SP3: variants seen among roughly 807,000 people sequenced by gnomAD.
The protein encoded by SP3 is transcription factor Sp3.
SP3 carries 10 observed loss-of-function variants against 70.3 expected under a neutral mutation model. The observed-to-expected ratio is 0.14, with a 90% confidence interval of 0.09 to 0.24. SP3 has a LOEUF of 0.24. SP3 is among the 10% of genes least tolerant of loss of function. The pLI is 1.00. For synonymous variants in SP3, 402 were observed against 333.5 expected (o/e 1.21, Z -2.24); for missense variants, 825 against 914.6 (o/e 0.90, Z 1.26).
chr2:173,941,823 G>A (rs958838310), intron 4 of SP3, among the ~76,000 whole-genome samples: 1 of 152,052 alleles, frequency 6.6e-6, no homozygotes, highest in African/African-American at 2.4e-5. Flanking sequence ...TTTCTATTTG[G>A]TTATTTTACA....
intron 3 of SP3, among the ~76,000 whole-genome samples, chr2:173,956,822 A>C (rs1042988582): frequency 6.6e-6 from 1 of 152,192 alleles, no homozygotes; most frequent in Non-Finnish European, 1.5e-5. Context: ...TTGCCCTGTG[A>C]CCACATGACA....
At chr2:173,923,926 T>C (rs1689834093) in intron 4 of SP3, among the ~76,000 whole-genome samples, 1 of 152,090 alleles carries the variant, frequency 6.6e-6, no homozygotes, top group African/African-American at 2.4e-5. Context: ...CCTATGGATA[T>C]TTCAGAGGTA....
At chr2:173,916,227 A>T (rs1689615955) in intron 5 of SP3, 1 of 152,082 alleles carries the variant, frequency 6.6e-6, no homozygotes, top group African/African-American at 2.4e-5. Flanking sequence ...GCTATTAAAG[A>T]ATGAAGTCAC....
At chr2:173,932,168 C>T (rs1419521681) in intron 4 of SP3, among the ~76,000 whole-genome samples, 1 of 152,120 alleles carries the variant, frequency 6.6e-6, no homozygotes, top group Admixed American at 6.6e-5. Context: ...TTAGAGGCTA[C>T]TGTAGGGTTA....
At chr2:173,934,964 G>A (rs1690170676) in intron 4 of SP3, among the ~76,000 whole-genome samples, 1 of 152,166 alleles carries the variant, frequency 6.6e-6, no homozygotes, top group Non-Finnish European at 1.5e-5. Context: ...AAATAAAAAA[G>A]CATCACAAAG....
chr2:173,940,654 G>A (rs544006434), intron 4 of SP3, among the ~76,000 whole-genome samples: 41 of 152,310 alleles, frequency 2.7e-4, no homozygotes, highest in South Asian at 8.3e-4. Flanking sequence ...AGCAGCTAAA[G>A]GTAGCTGGAG....
chr2:173,951,497 T>G (rs1388276738), intron 4 of SP3, among the ~76,000 whole-genome samples: 1 of 152,220 alleles, frequency 6.6e-6, no homozygotes, highest in Non-Finnish European at 1.5e-5. Flanking sequence ...GAAAACCATG[T>G]TTTACATTTT....
At position 173,904,819 on chromosome 2, in the gene SP3, G is replaced by T. The variant is rs190334296; in HGVS notation, c.*5122C>A. Among the ~76,000 whole-genome samples, 48 of 152,326 alleles carry T rather than the reference G, an allele frequency of 3.2e-4. No homozygotes were observed. Among genetic ancestry groups the T allele is most frequent in the African/African-American group, 1.1e-3 (46 of 41,564 alleles). ...CCAATACTTCCTGTATTTCGTTGTT[G>T]TCGATTAATCGGAGGCTTAGACTTT... is the stretch of plus-strand genomic sequence containing the variant. On this transcript the variant is annotated 3_prime_UTR_variant, in exon 7 of 7. Transcript: ENST00000310015.
At position 173,904,031 on chromosome 2, in the gene SP3, C is replaced by T. The variant is rs866010689; in HGVS notation, c.*5910G>A. ...GGGATGGTTGTAGGATGAAACTGCT[C>T]TACCTCAGATCATCAGACATTAGAT... is the stretch of plus-strand genomic sequence containing the variant. On this transcript the variant is annotated 3_prime_UTR_variant, in exon 7 of 7. Coordinates refer to ENST00000310015, the MANE Select transcript of SP3 (RefSeq NM_003111.5). Among the ~76,000 whole-genome samples the T allele has an allele frequency of 3.3e-5, 5 of 152,234 alleles. No individual in the cohort carries two copies. Among genetic ancestry groups the T allele is most frequent in the Middle Eastern group, 3.4e-3 (1 of 294 alleles).
intron 5 of SP3, among the ~76,000 whole-genome samples, chr2:173,917,051 T>G (rs1689633709): frequency 6.6e-6 from 1 of 152,110 alleles, no homozygotes; most frequent in Non-Finnish European, 1.5e-5. Flanking sequence ...CATTACTAGC[T>G]TAACTTGAAG....
chr2:173,958,761 G>A (rs1013257280), intron 3 of SP3, among the ~76,000 whole-genome samples: 3 of 150,120 alleles, frequency 2.0e-5, no homozygotes, highest in Non-Finnish European at 4.4e-5. Context: ...AACTACACTC[G>A]ACAATATATT....
intron 4 of SP3, among the ~76,000 whole-genome samples, chr2:173,952,867 A>C (rs1223260511): frequency 6.6e-6 from 1 of 152,218 alleles, no homozygotes; most frequent in Non-Finnish European, 1.5e-5. Flanking sequence ...GACAGAAAGT[A>C]GCATAGTGGT....
intron 3 of SP3, among the ~76,000 whole-genome samples, chr2:173,958,995 A>G (rs1690978647): frequency 6.6e-6 from 1 of 152,192 alleles, no homozygotes; most frequent in Admixed American, 6.5e-5. Context: ...GATTTGAAAA[A>G]CATCCATTAA....
At chr2:173,917,597 T>C (rs780262370) in intron 5 of SP3, among the ~76,000 whole-genome samples, 40 of 152,130 alleles carry the variant, frequency 2.6e-4, no homozygotes, top group Admixed American at 1.4e-3. Flanking sequence ...CTCTATTAGA[T>C]CAAGTTTGTT....
rs958069295 is a variant in SP3 at position 173,902,734 on chromosome 2, TGA to T, written c.*7205_*7206del. On this transcript the variant is annotated 3_prime_UTR_variant, in exon 7 of 7. Transcript: ENST00000310015. ...TTTGTACAGAATGATACCATTTATA[TGA>T]AGTTTCAAAATCAGAAAAACAATCC... Among the ~76,000 whole-genome samples, 2 of 152,224 alleles carry T rather than the reference TGA, an allele frequency of 1.3e-5. No homozygotes were observed. The highest frequency in any genetic ancestry group is 2.4e-5 in the African/African-American group (1 of 41,460).
chr2:173,934,777 G>A (rs986298947), intron 4 of SP3, among the ~76,000 whole-genome samples: 9 of 151,974 alleles, frequency 5.9e-5, no homozygotes, highest in African/African-American at 2.2e-4. Flanking sequence ...TACCTTCAAG[G>A]TCAAAAGCTT....
At chr2:173,937,002 A>T (rs1208526858) in intron 4 of SP3, among the ~76,000 whole-genome samples, 1 of 152,114 alleles carries the variant, frequency 6.6e-6, no homozygotes, top group Non-Finnish European at 1.5e-5. Flanking sequence ...TGCAGATCAC[A>T]CACTGATTTA....
intron 3 of SP3, among the ~76,000 whole-genome samples, chr2:173,958,597 C>G (rs1430123816): frequency 6.9e-6 from 1 of 144,700 alleles, no homozygotes; most frequent in East Asian, 2.0e-4. Context: ...AAAAAAAAAG[C>G]AACAGGTAAT....
intron 3 of SP3, among the ~76,000 whole-genome samples, chr2:173,961,292 T>C (rs1691066698): frequency 6.6e-6 from 1 of 152,214 alleles, no homozygotes; most frequent in Admixed American, 6.5e-5. Flanking sequence ...TTATGACAAA[T>C]TCCAAATTCA....
Sources: allele counts gnomAD v4.1 joint callset (sites outside exome capture counted in the v4.1 genomes callset), GRCh38; gene constraint gnomAD v4.1.1; transcripts MANE v1.5; gene names NCBI Gene and HGNC (gene_info 2026-07-23, HGNC 2026-07-21).